Variants in EVC2 observed in about 807,000 individuals in gnomAD.
EVC2 encodes EvC ciliary complex subunit 2, also known as limbin.
Under a neutral mutation model 149.3 loss-of-function variants are expected in EVC2, and 148 were observed. The ratio of observed to expected loss-of-function variants is 0.99; its 90% CI spans 0.87 to 1.14. The LOEUF (loss-of-function observed/expected upper bound fraction) is 1.14, where lower values mean the gene tolerates loss of function less well. EVC2 is among the 50% of genes most tolerant of loss of function. The pLI is 0.00. For missense variants in EVC2, 1,854 were observed against 1,627.3 expected (o/e 1.14, Z -2.40); for synonymous variants, 776 against 649.9 (o/e 1.19, Z -2.95).
At chr4:5,558,564 T>A (rs1056894331), downstream of EVC2, among the ~76,000 whole-genome samples, 1 of 152,230 alleles carries the variant, frequency 6.6e-6, no homozygotes, top group African/African-American at 2.4e-5. Context: ...ATTGACTTTA[T>A]CATATGCAGA....
intron 11 of EVC2, among the ~76,000 whole-genome samples, chr4:5,631,278 A>G (rs921933354): frequency 6.6e-6 from 1 of 152,192 alleles, no homozygotes; most frequent in African/African-American, 2.4e-5. Context: ...CCCAGGCTGG[A>G]GCGCAGTGGT....
At chr4:5,596,052 C>A (rs1482824272) in intron 16 of EVC2, among the ~76,000 whole-genome samples, 1 of 152,164 alleles carries the variant, frequency 6.6e-6, no homozygotes, top group Non-Finnish European at 1.5e-5. Context: ...AATACTGGAG[C>A]ACCCAGATTC....
intron 1 of EVC2, among the ~76,000 whole-genome samples, chr4:5,702,024 T>C (rs774441232): frequency 2.0e-5 from 3 of 152,094 alleles, no homozygotes; most frequent in Non-Finnish European, 4.4e-5. Flanking sequence ...TGCCATCTAT[T>C]CTCACCCCTG....
In EVC2 at chr4:5,576,203, A is replaced by C; in HGVS notation, c.3272+37T>G. 1 of 1,613,838 alleles carries C rather than the reference A, an allele frequency of 6.2e-7. No homozygotes were observed. The highest frequency in any genetic ancestry group is 1.1e-5 in the South Asian group (1 of 91,060). ...GCCAGGTTCTCCAGGACTGCTGGGG[A>C]CTAATATCTTTGAGTGCTACGGGGC... On this transcript the variant is annotated intron_variant, in intron 18 of 21. Coordinates refer to ENST00000344408, the MANE Select transcript of EVC2 (RefSeq NM_147127.5). The surrounding 1 kb of genome is among the most constrained non-coding windows in gnomAD (Gnocchi z 4.5).
the EVC2 span, among the ~76,000 whole-genome samples, chr4:5,533,040 C>T: frequency 6.6e-6 from 1 of 150,554 alleles, no homozygotes; most frequent in South Asian, 2.1e-4. Flanking sequence ...ATCCTAGATG[C>T]TAGAACGTAT....
At chr4:5,572,833 G>T (rs1462918502) in intron 19 of EVC2, among the ~76,000 whole-genome samples, 1 of 152,134 alleles carries the variant, frequency 6.6e-6, no homozygotes, top group Non-Finnish European at 1.5e-5. Flanking sequence ...GTGGGAGATG[G>T]CTCAGTTACG....
intron 1 of EVC2, 113 bp downstream of exon 1, chr4:5,708,173 G>T: frequency 3.2e-6 from 3 of 949,412 alleles, no homozygotes; most frequent in Non-Finnish European, 4.4e-6. Context: ...TTCAGATCCT[G>T]CCCTCCCTTC....
chr4:5,534,702 C>A, the EVC2 span, among the ~76,000 whole-genome samples: 1 of 151,326 alleles, frequency 6.6e-6, no homozygotes, highest in East Asian at 2.0e-4. Context: ...GATGCAATTG[C>A]GTTGAGTGAT....
At chr4:5,555,529 CTTCAGAACAAGGAAAT>C (rs1487716770) in intron 21 of EVC2, among the ~76,000 whole-genome samples, 1 of 152,064 alleles carries the variant, frequency 6.6e-6, no homozygotes, top group East Asian at 1.9e-4. Context: ...ACAAACCAGA[CTTCAGAACAAGGAAAT>C]TTAACAAGGA....
chr4:5,546,464 G>A (rs1048430015), intron 21 of EVC2, among the ~76,000 whole-genome samples: 90 of 151,364 alleles, frequency 5.9e-4, no homozygotes, highest in African/African-American at 1.6e-3. Context: ...CTATCGCAAG[G>A]ACAAAAAACC....
intron 6 of EVC2, among the ~76,000 whole-genome samples, chr4:5,682,506 T>A (rs1405019147): frequency 5.8e-4 from 81 of 139,376 alleles, no homozygotes; most frequent in African/African-American, 2.1e-3. Flanking sequence ...AAAAAAATAA[T>A]AATAATAATA....
intron 13 of EVC2, 26 bp from the exon 14 acceptor site, chr4:5,623,017 G>T: frequency 6.2e-7 from 1 of 1,610,944 alleles, no homozygotes. Flanking sequence ...AGAAAATTAA[G>T]TGGGGGTGGG....
chr4:5,688,668 C>G (rs1720888666), intron 5 of EVC2, among the ~76,000 whole-genome samples: 1 of 152,090 alleles, frequency 6.6e-6, no homozygotes, highest in East Asian at 1.9e-4. Flanking sequence ...TGGAGTTACC[C>G]CAGTGAACAT....
intron 9 of EVC2, among the ~76,000 whole-genome samples, chr4:5,654,844 T>C (rs563762217): frequency 2.6e-5 from 4 of 152,170 alleles, no homozygotes; most frequent in African/African-American, 9.6e-5. Flanking sequence ...ACATGTTGAG[T>C]GTCACAGGTC....
chr4:5,658,213 G>C (rs975295149), intron 9 of EVC2, among the ~76,000 whole-genome samples: 1 of 152,178 alleles, frequency 6.6e-6, no homozygotes, highest in Non-Finnish European at 1.5e-5. Flanking sequence ...GGAGCCCTCA[G>C]CAAGAATCTG....
chr4:5,628,834 T>C lies in EVC2; in HGVS notation c.1711-100A>G, dbSNP rs562113034. 1.5e-4 allele frequency: 189 copies of C among 1,248,752 alleles called. 1 individual carries two copies. Among genetic ancestry groups the C allele is most frequent in the African/African-American group, 1.2e-3 (81 of 65,374 alleles). 77.4% of individuals were successfully genotyped at this position (1,248,752 alleles called of 1,614,324 possible). A position where few individuals can be genotyped will look rare whatever the true frequency, so the allele number is the denominator to read the frequency against. ...TATTATTTTTCCTTTTATAAGAAAA[T>C]ACACAAGAAAAGAAACATGAGAATT... is the stretch of plus-strand genomic sequence containing the variant. On this transcript the variant is annotated intron_variant, in intron 11 of 21. Coordinates refer to ENST00000344408, the MANE Select transcript of EVC2 (RefSeq NM_147127.5).
chr4:5,660,913 C>T (rs1185730187), intron 9 of EVC2, among the ~76,000 whole-genome samples: 1 of 152,190 alleles, frequency 6.6e-6, no homozygotes. Context: ...CTTCAACTAT[C>T]AAACACTGAA....
rs1252235243 is a variant in EVC2, at chr4:5,622,382, C to G, written c.2501+155G>C. 6.6e-6 allele frequency among the ~76,000 whole-genome samples: 1 copy of G among 152,016 alleles called. No individual in the cohort carries two copies. The highest frequency in any genetic ancestry group is 2.4e-5 in the African/African-American group (1 of 41,390). On this transcript the variant is annotated intron_variant, in intron 14 of 21. Transcript: ENST00000344408. The surrounding 1 kb of genome is among the most constrained non-coding windows in gnomAD (Gnocchi z 5.8). Reference sequence around the variant, plus strand: ...TGCGTGACATTCGAGGTCCTCCCCCCGGGGCGTTGAGTTTATATGACTAAT... The same window carrying G: ...TGCGTGACATTCGAGGTCCTCCCCCGGGGGCGTTGAGTTTATATGACTAAT...
downstream of EVC2, among the ~76,000 whole-genome samples, chr4:5,561,743 C>T (rs1471306104): frequency 2.0e-5 from 3 of 152,114 alleles, no homozygotes; most frequent in East Asian, 5.8e-4. Flanking sequence ...TCTCAGCTTC[C>T]TTGGCAGTAA....
Sources: gnomAD v4.1 joint callset for allele counts (sites outside exome capture counted in the v4.1 genomes callset) on GRCh38, gnomAD v4.1.1 for gene constraint, Gnocchi (gnomAD v3.1) non-coding constraint, MANE v1.5 for transcripts, NCBI Gene and HGNC (gene_info 2026-07-23, HGNC 2026-07-21) for gene names.